CACNA2D3: variants seen among roughly 807,000 people sequenced by gnomAD.
The protein encoded by CACNA2D3 is voltage-dependent calcium channel subunit alpha-2/delta-3.
CACNA2D3 carries 60 observed loss-of-function variants against 160.6 expected under a neutral mutation model. The ratio of observed to expected loss-of-function variants is 0.37; its 90% CI spans 0.30 to 0.46. CACNA2D3 has a LOEUF of 0.46. Ranked by LOEUF, CACNA2D3 falls within the 20% of genes least tolerant of loss-of-function variation. The pLI is 1.00. For synonymous variants in CACNA2D3, 558 were observed against 492.9 expected (o/e 1.13, Z -1.75); for missense variants, 1,205 against 1,365.0 (o/e 0.88, Z 1.85).
chr3:54,640,068 G>A (rs1277493812), intron 10 of CACNA2D3, among the ~76,000 whole-genome samples: 1 of 152,090 alleles, frequency 6.6e-6, no homozygotes, highest in Non-Finnish European at 1.5e-5. Flanking sequence ...CTTCTTTTGT[G>A]GTGGAATGTC....
At chr3:54,520,361 G>C (rs1701627190) in intron 5 of CACNA2D3, among the ~76,000 whole-genome samples, 1 of 152,212 alleles carries the variant, frequency 6.6e-6, no homozygotes, top group Non-Finnish European at 1.5e-5. Context: ...AGCAGATGAA[G>C]CTGGGTCATC....
chr3:54,809,323 T>TCTTCCCCTCCCTCCCTTCC lies in CACNA2D3; in HGVS notation c.1381-7530_1381-7529insCTTCCCCTCCCTCCCTTCC. ...TCCTTCCTTCTTTCTTTTTTTTTTT[T>TCTTCCCCTCCCTCCCTTCC]TTTTTTGAGACGGAGTCTCGCTCTG... is the stretch of plus-strand genomic sequence containing the variant. On this transcript the variant is annotated intron_variant, in intron 13 of 37. Coordinates refer to ENST00000474759, the MANE Select transcript of CACNA2D3 (RefSeq NM_018398.3). Among the ~76,000 whole-genome samples, 40 of 110,506 alleles carry TCTTCCCCTCCCTCCCTTCC rather than the reference T, an allele frequency of 3.6e-4. 2 individuals carry two copies. Among genetic ancestry groups the TCTTCCCCTCCCTCCCTTCC allele is most frequent in the African/African-American group, 1.5e-3 (34 of 23,150 alleles). The allele number at this position is 110,506 out of a possible 152,430, so 72.5% of individuals were successfully genotyped here.
At position 54,190,132 on chromosome 3, in the gene CACNA2D3, A is replaced by G. The variant is rs62252184; in HGVS notation, c.204+66538A>G. On this transcript the variant is annotated intron_variant, in intron 2 of 37. Coordinates refer to ENST00000474759, the MANE Select transcript of CACNA2D3 (RefSeq NM_018398.3). ...GCTAGCTCTTCAGGGCCTCTTTTAT[A>G]AGGGCACTGATTTTATTCCTATGGG... Among the ~76,000 whole-genome samples, 848 of 152,252 alleles carry G rather than the reference A, an allele frequency of 5.6e-3. 4 individuals carry two copies. The highest frequency in any genetic ancestry group is 8.9e-3 in the Non-Finnish European group (603 of 68,006).
At chr3:54,910,744 T>C (rs1700538907) in intron 27 of CACNA2D3, among the ~76,000 whole-genome samples, 1 of 152,200 alleles carries the variant, frequency 6.6e-6, no homozygotes, top group African/African-American at 2.4e-5. Context: ...CTTTCCCCAA[T>C]AGGCCTGTCA....
At chr3:54,608,755 A>G (rs1698687229) in intron 9 of CACNA2D3, among the ~76,000 whole-genome samples, 1 of 152,246 alleles carries the variant, frequency 6.6e-6, no homozygotes, top group African/African-American at 2.4e-5. Context: ...TCTTTGCGCA[A>G]TAAAGTAATG....
At chr3:54,816,756 C>G in intron 13 of CACNA2D3, 97 bp from the exon 14 acceptor site, 1 of 1,424,836 alleles carries the variant, frequency 7.0e-7, no homozygotes, top group South Asian at 1.3e-5. Flanking sequence ...TTTGGTTTCT[C>G]CATTTGCAAA....
intron 10 of CACNA2D3, chr3:54,633,786 A>G (rs979109074): frequency 1.3e-5 from 2 of 152,210 alleles, no homozygotes; most frequent in Non-Finnish European, 2.9e-5. Flanking sequence ...AGCCTGGCAT[A>G]TAACAAACAT....
At chr3:54,300,809 G>A (rs1270412578) in intron 2 of CACNA2D3, among the ~76,000 whole-genome samples, 3 of 152,050 alleles carry the variant, frequency 2.0e-5, no homozygotes, top group Non-Finnish European at 2.9e-5. Flanking sequence ...GAGGCCACAC[G>A]TTCAAGACCA....
At chr3:54,360,721 A>G (rs2107540947) in intron 3 of CACNA2D3, among the ~76,000 whole-genome samples, 1 of 152,260 alleles carries the variant, frequency 6.6e-6, no homozygotes, top group South Asian at 2.1e-4. Context: ...CTTTCTACAC[A>G]TATTTCTTGG....
chr3:54,168,445 G>A (rs1377037969), intron 2 of CACNA2D3, among the ~76,000 whole-genome samples: 2 of 152,178 alleles, frequency 1.3e-5, no homozygotes, highest in African/African-American at 4.8e-5. Context: ...TGTTGAATAA[G>A]TTAGGGTGAT....
intron 4 of CACNA2D3, among the ~76,000 whole-genome samples, chr3:54,500,375 A>G (rs1331873320): frequency 6.6e-6 from 1 of 152,086 alleles, no homozygotes; most frequent in Non-Finnish European, 1.5e-5. Flanking sequence ...TGATTGATGT[A>G]TTTATTCCAT....
At chr3:54,901,745 A>C (rs1346276713) in intron 27 of CACNA2D3, among the ~76,000 whole-genome samples, 3 of 152,206 alleles carry the variant, frequency 2.0e-5, no homozygotes, top group Non-Finnish European at 4.4e-5. Context: ...CCCTTTTTCA[A>C]ACTTTGGTAG....
At chr3:54,853,667 A>G (rs1466437502) in intron 17 of CACNA2D3, among the ~76,000 whole-genome samples, 1 of 152,226 alleles carries the variant, frequency 6.6e-6, no homozygotes, top group Non-Finnish European at 1.5e-5. Context: ...AAGAGGGACC[A>G]AGAAGAACTA....
At chr3:54,704,796 G>C (rs745762416) in intron 11 of CACNA2D3, among the ~76,000 whole-genome samples, 3 of 152,112 alleles carry the variant, frequency 2.0e-5, no homozygotes, top group Non-Finnish European at 4.4e-5. Flanking sequence ...TCCAAGTCCA[G>C]TTGTTCTTGG....
chr3:54,474,887 T>A (rs1294481188), intron 4 of CACNA2D3, among the ~76,000 whole-genome samples: 1 of 152,214 alleles, frequency 6.6e-6, no homozygotes, highest in Non-Finnish European at 1.5e-5. Context: ...AGCTTTGAGA[T>A]ACTGGGCCGA....
At chr3:54,321,261 A>T (rs559311319) in intron 3 of CACNA2D3, among the ~76,000 whole-genome samples, 1 of 151,944 alleles carries the variant, frequency 6.6e-6, no homozygotes, top group Non-Finnish European at 1.5e-5. Flanking sequence ...CAGAGGTTGC[A>T]GTGAGCCAAG....
At chr3:54,871,378 A>T (rs1214028745) in intron 17 of CACNA2D3, among the ~76,000 whole-genome samples, 161 bp from the exon 18 acceptor site, 1 of 152,198 alleles carries the variant, frequency 6.6e-6, no homozygotes, top group Non-Finnish European at 1.5e-5. Context: ...CTTTCCTGTC[A>T]TTAAAAGTCC....
intron 9 of CACNA2D3, among the ~76,000 whole-genome samples, chr3:54,591,491 A>T (rs1702857785): frequency 1.3e-5 from 2 of 150,260 alleles, no homozygotes; most frequent in South Asian, 4.3e-4. Context: ...TATGAGATAG[A>T]TGTTCCATAG....
chr3:54,377,865 CAG>C (rs1699036893), intron 3 of CACNA2D3, among the ~76,000 whole-genome samples: 1 of 152,152 alleles, frequency 6.6e-6, no homozygotes, highest in South Asian at 2.1e-4. Context: ...ACAGAAGTGA[CAG>C]AAAAGTGATA....
Sources: gnomAD v4.1 joint callset for allele counts (sites outside exome capture counted in the v4.1 genomes callset) on GRCh38, gnomAD v4.1.1 for gene constraint, MANE v1.5 for transcripts, NCBI Gene and HGNC (gene_info 2026-07-23, HGNC 2026-07-21) for gene names.